The following PCBP3 variants were observed in gnomAD, a reference collection of about 807,000 sequenced individuals.
The protein encoded by PCBP3 is poly(rC) binding protein 3.
PCBP3 carries 25 observed loss-of-function variants against 52.7 expected under a neutral mutation model. That is an observed-to-expected ratio of 0.47 (90% CI 0.35 to 0.66). The LOEUF (loss-of-function observed/expected upper bound fraction) is 0.66. PCBP3 is among the 30% of genes least tolerant of loss of function. The pLI is 0.01. For synonymous variants in PCBP3, 162 were observed against 183.0 expected, an observed-to-expected ratio of 0.89 and a Z score of 0.93; for missense variants, 391 against 490.3, an observed-to-expected ratio of 0.80 and a Z score of 1.91.
At chr21:45,677,267 G>A (rs887806439) in intron 2 of PCBP3, among the ~76,000 whole-genome samples, 8 of 152,168 alleles carry the variant, frequency 5.3e-5, no homozygotes, top group Non-Finnish European at 8.8e-5. Flanking sequence ...TGCTGATATG[G>A]AGAAAGTTTG....
chr21:45,801,714 T>C (rs570741551), intron 4 of PCBP3, among the ~76,000 whole-genome samples: 15 of 152,366 alleles, frequency 9.8e-5, no homozygotes, highest in South Asian at 4.1e-4. Context: ...AGCTGCAGTA[T>C]TCTTTGGAAG....
At chr21:45,907,153 T>C (rs1467615890) in intron 9 of PCBP3, among the ~76,000 whole-genome samples, 1 of 152,218 alleles carries the variant, frequency 6.6e-6, no homozygotes, top group Non-Finnish European at 1.5e-5. Flanking sequence ...GATCATCTTT[T>C]CTCTGGTGTC....
chr21:45,730,266 T>C (rs1448207230), intron 2 of PCBP3, among the ~76,000 whole-genome samples: 1 of 152,020 alleles, frequency 6.6e-6, no homozygotes, highest in Admixed American at 6.6e-5. Context: ...ATTTCCATTG[T>C]GTTTTTTCTT....
At chr21:45,903,023 A>G (rs146476966) in intron 9 of PCBP3, among the ~76,000 whole-genome samples, 3 of 152,332 alleles carry the variant, frequency 2.0e-5, no homozygotes, top group African/African-American at 7.2e-5. Flanking sequence ...TTGAGTCAGA[A>G]TTTCCAGCTG....
At chr21:45,650,377 C>T (rs1377919481) in intron 1 of PCBP3, among the ~76,000 whole-genome samples, 1 of 152,100 alleles carries the variant, frequency 6.6e-6, no homozygotes, top group Non-Finnish European at 1.5e-5. Flanking sequence ...GAGGTGTTGA[C>T]CAGTGATAAT....
chr21:45,767,747 G>A (rs1051343805), intron 4 of PCBP3, among the ~76,000 whole-genome samples: 1 of 152,258 alleles, frequency 6.6e-6, no homozygotes, highest in Non-Finnish European at 1.5e-5. Flanking sequence ...GTGCTGGCCA[G>A]TCGGGAGGCC....
At chr21:45,712,893 G>A (rs553102293) in intron 2 of PCBP3, among the ~76,000 whole-genome samples, 1 of 152,198 alleles carries the variant, frequency 6.6e-6, no homozygotes, top group East Asian at 1.9e-4. Context: ...ATTTGTAGAG[G>A]TGTGGTCTCA....
intron 4 of PCBP3, among the ~76,000 whole-genome samples, chr21:45,841,380 A>G (rs2093696657): frequency 6.9e-6 from 1 of 145,680 alleles, no homozygotes; most frequent in South Asian, 2.2e-4. Flanking sequence ...ATGTCTCCTT[A>G]CTCTTACATT....
intron 3 of PCBP3, among the ~76,000 whole-genome samples, chr21:45,743,686 T>A (rs2086616759): frequency 6.6e-6 from 1 of 152,108 alleles, no homozygotes; most frequent in East Asian, 1.9e-4. Flanking sequence ...AGTGTTCGAG[T>A]TATTGTAAAG....
At chr21:45,723,931 T>A (rs575745488) in intron 2 of PCBP3, among the ~76,000 whole-genome samples, 6 of 152,258 alleles carry the variant, frequency 3.9e-5, no homozygotes, top group Admixed American at 1.3e-4. Context: ...TACTGGTGGA[T>A]TCTGTGATAG....
In PCBP3 at chr21:45,741,382, G is replaced by A. The variant is rs983944368; in HGVS notation, c.-162+5953G>A. 2.6e-5 allele frequency among the ~76,000 whole-genome samples: 4 copies of A among 152,184 alleles called. No homozygotes were observed. The highest frequency in any genetic ancestry group is 4.1e-4 in the South Asian group (2 of 4,832). On this transcript the variant is annotated intron_variant, in intron 3 of 17. Coordinates refer to ENST00000681687, the MANE Select transcript of PCBP3 (RefSeq NM_001384156.1). This position sits in a 1 kb window ranked among gnomAD's most constrained non-coding sequence, Gnocchi z 4.5. ...TGTGGGTACCAGGTGCACAGCCAGC[G>A]AGGGGAGTCCTGGAAAGTGGGGAGG...
chr21:45,664,984 C>A (rs1215164283), intron 1 of PCBP3, among the ~76,000 whole-genome samples: 1 of 151,886 alleles, frequency 6.6e-6, no homozygotes, highest in East Asian at 1.9e-4. Flanking sequence ...TTGCAGTTGT[C>A]CTTGTAGAAA....
intron 12 of PCBP3, 67 bp downstream of exon 12, chr21:45,914,092 C>T (rs935741947): frequency 6.2e-7 from 1 of 1,610,378 alleles, no homozygotes; most frequent in Non-Finnish European, 8.5e-7. Flanking sequence ...CCCGCCGCTG[C>T]CCGTTAGTGC....
intron 6 of PCBP3, among the ~76,000 whole-genome samples, chr21:45,897,130 C>A (rs190555044): frequency 3.2e-4 from 48 of 152,354 alleles, no homozygotes; most frequent in Admixed American, 3.1e-3. Flanking sequence ...ACTTACAAGG[C>A]AGTTATAGGT....
chr21:45,854,729 G>A (rs778405173), intron 5 of PCBP3, among the ~76,000 whole-genome samples: 2 of 152,218 alleles, frequency 1.3e-5, no homozygotes, highest in Non-Finnish European at 2.9e-5. Context: ...TCTTTGTGAT[G>A]CTATTGTAAA....
intron 4 of PCBP3, among the ~76,000 whole-genome samples, chr21:45,842,320 G>A (rs2093715775): frequency 6.6e-6 from 1 of 152,246 alleles, no homozygotes; most frequent in Non-Finnish European, 1.5e-5. Context: ...CCCACTTGGT[G>A]TGAGAAATCA....
intron 2 of PCBP3, among the ~76,000 whole-genome samples, chr21:45,734,811 C>T (rs1203269195): frequency 6.6e-6 from 1 of 152,238 alleles, no homozygotes; most frequent in Non-Finnish European, 1.5e-5. Flanking sequence ...CCCAGTCTCA[C>T]TCTTTCTCTG....
chr21:45,645,472 A>C, intron 1 of PCBP3, among the ~76,000 whole-genome samples: 1 of 152,092 alleles, frequency 6.6e-6, no homozygotes, highest in East Asian at 1.9e-4. Flanking sequence ...GTGCTTTTGG[A>C]CCTCAAAACA....
chr21:45,715,249 C>T (rs563566445), intron 2 of PCBP3, among the ~76,000 whole-genome samples: 16 of 152,156 alleles, frequency 1.1e-4, no homozygotes, highest in African/African-American at 3.1e-4. Flanking sequence ...TATAGGGCTT[C>T]GGTGGTATCT....
Sources: allele counts gnomAD v4.1 joint callset (sites outside exome capture counted in the v4.1 genomes callset), GRCh38; gene constraint gnomAD v4.1.1; non-coding constraint Gnocchi (gnomAD v3.1); transcripts MANE v1.5; gene names NCBI Gene and HGNC (gene_info 2026-07-23, HGNC 2026-07-21).